The following ERC1 variants were observed in gnomAD, a reference collection of about 807,000 sequenced individuals.
The protein encoded by ERC1 is RAB6 interacting protein 2.
ERC1 carries 56 observed loss-of-function variants against 132.0 expected under a neutral mutation model. That is an observed-to-expected ratio of 0.42 (90% CI 0.34 to 0.53). The LOEUF is 0.53. Among genes scored for constraint, ERC1 ranks in the 20% least tolerant of loss-of-function variants. ERC1 has a pLI of 0.03. For synonymous variants in ERC1, 478 were observed against 476.1 expected, an observed-to-expected ratio of 1.00 and a Z score of -0.05; for missense variants, 1,202 against 1,349.9, an observed-to-expected ratio of 0.89 and a Z score of 1.72.
At chr12:1,208,514 C>T (rs1957546863) in intron 12 of ERC1, among the ~76,000 whole-genome samples, 1 of 152,166 alleles carries the variant, frequency 6.6e-6, no homozygotes, top group South Asian at 2.1e-4. Context: ...AGATGACATG[C>T]AGGTTGTAAT....
At chr12:1,010,994 A>G (rs1964595043) in intron 1 of ERC1, among the ~76,000 whole-genome samples, 1 of 152,080 alleles carries the variant, frequency 6.6e-6, no homozygotes, top group African/African-American at 2.4e-5. Flanking sequence ...CAGTAGACCC[A>G]CTCAGGTCTG....
intron 2 of ERC1, among the ~76,000 whole-genome samples, chr12:1,076,387 TTTTC>T (rs1365174403): frequency 4.1e-5 from 6 of 145,806 alleles, no homozygotes; most frequent in East Asian, 1.9e-4. Flanking sequence ...CTGATTTTTT[TTTTC>T]TTTTTCTTTT....
intron 8 of ERC1, among the ~76,000 whole-genome samples, chr12:1,155,209 T>G (rs1295072770): frequency 6.7e-6 from 1 of 149,362 alleles, no homozygotes; most frequent in Non-Finnish European, 1.5e-5. Flanking sequence ...GCCTGTAGTC[T>G]CAGCTACTTG....
At chr12:1,414,820 A>G (rs1232103391) in intron 17 of ERC1, among the ~76,000 whole-genome samples, 1 of 152,092 alleles carries the variant, frequency 6.6e-6, no homozygotes, top group Non-Finnish European at 1.5e-5. Context: ...TGCCCAGGAT[A>G]TAGTAGGTCC....
At chr12:1,043,544 G>A (rs76598632) in intron 2 of ERC1, among the ~76,000 whole-genome samples, 4,302 of 152,224 alleles carry the variant, frequency 0.028, 84 homozygotes, top group South Asian at 0.092. Context: ...CTAGGATTTA[G>A]GGTGGAGAGG....
chr12:1,030,904 G>A (rs1209325741), intron 2 of ERC1, among the ~76,000 whole-genome samples: 1 of 152,160 alleles, frequency 6.6e-6, no homozygotes, highest in East Asian at 1.9e-4. Context: ...TCCTAGGTGT[G>A]TGGTAGGCCG....
In ERC1 at chr12:1,141,610, A is replaced by G. The variant is rs1256147008; in HGVS notation, c.1570-10A>G. The G allele has an allele frequency of 7.5e-6, 12 of 1,593,322 alleles. No homozygotes were observed. Among genetic ancestry groups the G allele is most frequent in the South Asian group, 2.3e-5 (2 of 86,838 alleles). ...TTAATTCATCACTTGTAAAACTCCT[A>G]CATTCTTAGGTGGATGCTCTCCGAT... On this transcript the variant is annotated splice_polypyrimidine_tract_variant and intron_variant, in intron 7 of 18. Coordinates refer to ENST00000360905, the MANE Select transcript of ERC1 (RefSeq NM_178040.4).
At chr12:1,007,540 C>CTCTGTGTGTGTGTGTGTG (rs1555194875) in intron 1 of ERC1, among the ~76,000 whole-genome samples, 23 of 122,710 alleles carry the variant, frequency 1.9e-4, no homozygotes, top group African/African-American at 5.7e-4. Context: ...CTCTCTCTCT[C>CTCTGTGTGTGTGTGTGTG]TGTGTGTGTG....
At chr12:1,429,875 G>A (rs756690307) in intron 17 of ERC1, among the ~76,000 whole-genome samples, 2 of 152,206 alleles carry the variant, frequency 1.3e-5, no homozygotes, top group African/African-American at 4.8e-5. Flanking sequence ...TAGTTCGGGT[G>A]TATGTCAATT....
rs369071536 is a variant in ERC1, at chr12:1,444,757, C to T, written c.3213+7C>T. 8 of 1,611,740 alleles carry T rather than the reference C, an allele frequency of 5.0e-6. No individual in the cohort carries two copies. Among genetic ancestry groups the T allele is most frequent in the Non-Finnish European group, 6.8e-6 (8 of 1,179,342 alleles). ...GAAGATGACCCGGGGGCAGGTGAGCCTCTCACTCAAACTTTGAAAAGAGCC... is the reference window on the plus strand; with the variant it reads ...GAAGATGACCCGGGGGCAGGTGAGCTTCTCACTCAAACTTTGAAAAGAGCC... On this transcript the variant is annotated splice_region_variant and intron_variant, in intron 18 of 18. Transcript: ENST00000360905.
At position 1,346,948 on chromosome 12, in the gene ERC1, CA is replaced by C. The variant is rs58842053; in HGVS notation, c.2781-24872del. 9.5e-4 allele frequency among the ~76,000 whole-genome samples: 101 copies of C among 105,942 alleles called. 1 individual carries two copies. Among genetic ancestry groups the C allele is most frequent in the Admixed American group, 1.5e-3 (16 of 10,896 alleles). The allele number at this position is 105,942 out of a possible 152,430, so 69.5% of individuals were successfully genotyped here. A position where few individuals can be genotyped will look rare whatever the true frequency, so the allele number is the denominator to read the frequency against. ...TGGGCGACAGAGCGAGACTCCGTCT[CA>C]AAAAAAAAAAAAGAGAGAGATGATG... On this transcript the variant is annotated intron_variant, in intron 15 of 18. Coordinates refer to ENST00000360905, the MANE Select transcript of ERC1 (RefSeq NM_178040.4).
At chr12:1,277,886 A>G (rs1354072518) in intron 14 of ERC1, among the ~76,000 whole-genome samples, 3 of 152,226 alleles carry the variant, frequency 2.0e-5, no homozygotes, top group African/African-American at 7.2e-5. Flanking sequence ...GAGATATGAC[A>G]GTTCACGATC....
rs1459783685 is a variant in ERC1, at chr12:1,488,149, A to AG, written c.3214-1944_3214-1943insG. ...CGAGACTCACGTCTCAGAAAAAAAA[A>AG]AAAAAAAAAAAAAGATAGATGGGGT... On this transcript the variant is annotated intron_variant, in intron 18 of 18. Coordinates refer to ENST00000360905, the MANE Select transcript of ERC1 (RefSeq NM_178040.4). Among the ~76,000 whole-genome samples the AG allele has an allele frequency of 9.5e-3, 1,443 of 151,324 alleles. 20 individuals are homozygous for AG. The highest frequency in any genetic ancestry group is 0.031 in the African/African-American group (1,295 of 41,266).
intron 15 of ERC1, among the ~76,000 whole-genome samples, chr12:1,348,539 A>C (rs886232937): frequency 1.3e-5 from 2 of 152,062 alleles, no homozygotes; most frequent in Non-Finnish European, 2.9e-5. Context: ...CCAAAAATAC[A>C]AAAATTAGCT....
chr12:1,235,576 G>A (rs1033626703), intron 12 of ERC1, among the ~76,000 whole-genome samples: 1 of 152,166 alleles, frequency 6.6e-6, no homozygotes, highest in South Asian at 2.1e-4. Context: ...GCCAAATACT[G>A]TATGATAAGA....
intron 15 of ERC1, among the ~76,000 whole-genome samples, chr12:1,326,001 A>G (rs1033130186): frequency 2.0e-5 from 3 of 152,130 alleles, no homozygotes; most frequent in African/African-American, 7.2e-5. Context: ...GAAACTGCCA[A>G]TCTTCTACTT....
intron 4 of ERC1, among the ~76,000 whole-genome samples, chr12:1,109,636 A>G (rs1414494696): frequency 6.6e-6 from 1 of 152,246 alleles, no homozygotes; most frequent in African/African-American, 2.4e-5. Flanking sequence ...TAATTTAGTA[A>G]TTATTTTCAA....
At chr12:1,349,419 T>A (rs1427070674) in intron 15 of ERC1, among the ~76,000 whole-genome samples, 1 of 152,166 alleles carries the variant, frequency 6.6e-6, no homozygotes, top group East Asian at 1.9e-4. Context: ...ATCCCAGCAC[T>A]TTGGGAGGCC....
intron 15 of ERC1, among the ~76,000 whole-genome samples, chr12:1,345,161 A>C (rs1464028388): frequency 2.0e-5 from 3 of 151,562 alleles, no homozygotes; most frequent in African/African-American, 7.3e-5. Context: ...TAGCAGAATA[A>C]AGAGAATTTC....
Sources: allele counts gnomAD v4.1 joint callset (sites outside exome capture counted in the v4.1 genomes callset), GRCh38; gene constraint gnomAD v4.1.1; transcripts MANE v1.5; gene names NCBI Gene and HGNC (gene_info 2026-07-23, HGNC 2026-07-21).